MGA: variants seen among roughly 807,000 people sequenced by gnomAD.
The protein encoded by MGA is MAX dimerization protein MGA, also known as MAX gene-associated protein.
A neutral mutation model predicts 261.1 loss-of-function variants in MGA; 40 were observed. The observed-to-expected ratio is 0.15, with a 90% CI of 0.12 to 0.20. The LOEUF is 0.20. Ranked by LOEUF, MGA falls within the 10% of genes least tolerant of loss-of-function variation. The pLI is 1.00. For synonymous variants in MGA, 1,302 were observed against 1,290.6 expected, an observed-to-expected ratio of 1.01 and a Z score of -0.19; for missense variants, 3,397 against 3,630.5, an observed-to-expected ratio of 0.94 and a Z score of 1.65.
At chr15:41,688,637 C>T (rs1322136215) in intron 2 of MGA, among the ~76,000 whole-genome samples, 2 of 151,732 alleles carry the variant, frequency 1.3e-5, no homozygotes, top group African/African-American at 4.9e-5. Context: ...TGTCATCTTG[C>T]TATTTCCTGC....
Position 41,742,774 on chromosome 15 carries a change from T to C in MGA, c.4814T>C (p.Phe1605Ser). 1 of 1,613,990 alleles carries C rather than the reference T, an allele frequency of 6.2e-7. No homozygotes were observed. The change falls in exon 15 of 24, where the codon TTT becomes TCT. Residue 1605 changes from phenylalanine (F) to serine (S), a missense_variant. Phe to Ser is a radical substitution (Grantham distance 155). This residue lies in a region of MGA where 1,410 missense variants were observed against 1,386.4 expected (regional missense o/e 1.02). Coordinates refer to ENST00000219905, the MANE Select transcript of MGA (RefSeq NM_001164273.2). ...GTCACTACTACCACCCCTCAAGTGT[T>C]TTTAGAAAATACTACTGCTGTGACA...
intron 9 of MGA, among the ~76,000 whole-genome samples, chr15:41,714,219 T>A (rs75792889): frequency 0.033 from 5,000 of 152,310 alleles, 142 homozygotes; most frequent in South Asian, 0.07. Context: ...GAGATGATGA[T>A]TAATATTTCA....
chr15:41,674,673 C>A (rs2058280487), intron 2 of MGA, among the ~76,000 whole-genome samples: 1 of 152,112 alleles, frequency 6.6e-6, no homozygotes, highest in Non-Finnish European at 1.5e-5. Context: ...ACGCATGCCA[C>A]CACAGCCAAC....
intron 4 of MGA, 38 bp from the exon 5 acceptor site, chr15:41,699,026 A>C (rs772061355): frequency 4.4e-6 from 7 of 1,574,814 alleles, no homozygotes; most frequent in Admixed American, 1.8e-5. Context: ...TCTGTAGTGT[A>C]CAGTAGCTTA....
At chr15:41,732,272 C>T (rs564953643) in intron 11 of MGA, among the ~76,000 whole-genome samples, 12 of 151,940 alleles carry the variant, frequency 7.9e-5, no homozygotes, top group African/African-American at 2.2e-4. Flanking sequence ...CTTAGCCTCC[C>T]GAGTAGCTGG....
At chr15:41,625,311 G>A (rs2056421873) in intron 1 of MGA, among the ~76,000 whole-genome samples, 1 of 152,100 alleles carries the variant, frequency 6.6e-6, no homozygotes. Flanking sequence ...TGTATTTATT[G>A]AGTGTTTACT....
chr15:41,698,853 T>G lies in MGA; in HGVS notation c.2014-10T>G, dbSNP rs1566994660. On this transcript the variant is annotated splice_polypyrimidine_tract_variant and intron_variant, in intron 3 of 23. Transcript: ENST00000219905. ...ATGAACTACTATTTTTTTTTTTTTT[T>G]GATGTATAGGAAGCTCTAGACATTC... 1.3e-6 allele frequency: 2 copies of G among 1,490,810 alleles called. No homozygotes were observed. Among genetic ancestry groups the G allele is most frequent in the Middle Eastern group, 2.4e-4 (1 of 4,162 alleles). The allele number at this position is 1,490,810 out of a possible 1,614,324, so 92.3% of individuals were successfully genotyped here.
intron 9 of MGA, among the ~76,000 whole-genome samples, chr15:41,720,119 G>C (rs1266384011): frequency 1.3e-5 from 2 of 152,068 alleles, no homozygotes; most frequent in East Asian, 3.9e-4. Flanking sequence ...AAATAACCAG[G>C]TCAATCTTGA....
chr15:41,727,432 T>A, intron 10 of MGA, 26 bp downstream of exon 10: 1 of 1,588,046 alleles, frequency 6.3e-7, no homozygotes, highest in Non-Finnish European at 8.6e-7. Flanking sequence ...AATCTTTTAT[T>A]ACAAGTTACC....
chr15:41,725,848 A>AAT (rs2061202451), intron 9 of MGA, among the ~76,000 whole-genome samples: 1 of 143,792 alleles, frequency 7.0e-6, no homozygotes, highest in Non-Finnish European at 1.5e-5. Flanking sequence ...AAAAAAAAAA[A>AAT]AAAAAAAATA....
chr15:41,721,716 A>G (rs1318559812), intron 9 of MGA, among the ~76,000 whole-genome samples: 1 of 152,234 alleles, frequency 6.6e-6, no homozygotes, highest in Non-Finnish European at 1.5e-5. Flanking sequence ...CCAACTATTG[A>G]TAAAGACAAT....
chr15:41,760,260 G>C (rs2054168511), intron 19 of MGA, 63 bp from the exon 20 acceptor site: 2 of 1,516,386 alleles, frequency 1.3e-6, no homozygotes, highest in African/African-American at 2.7e-5. Context: ...AGTGTCATTT[G>C]AAACAGAGTA....
intron 2 of MGA, among the ~76,000 whole-genome samples, chr15:41,673,215 CTTTCTTTTTT>C (rs1047422119): frequency 6.6e-6 from 1 of 151,706 alleles, no homozygotes; most frequent in Non-Finnish European, 1.5e-5. Flanking sequence ...GTTTTTCTTT[CTTTCTTTTTT>C]TTTCTTTTTT....
chr15:41,728,624 T>C (rs1302597578), intron 10 of MGA, among the ~76,000 whole-genome samples: 2 of 152,210 alleles, frequency 1.3e-5, no homozygotes, highest in Non-Finnish European at 1.5e-5. Flanking sequence ...GTCTTCATAC[T>C]ATCTTCACAT....
chr15:41,729,125 T>TC, intron 10 of MGA, 39 bp from the exon 11 acceptor site: 1 of 1,583,346 alleles, frequency 6.3e-7, no homozygotes, highest in South Asian at 1.2e-5. Context: ...GCGGAGTTTT[T>TC]CCCACTGTAT....
chr15:41,632,526 G>A (rs931902499), intron 1 of MGA, among the ~76,000 whole-genome samples: 2 of 152,076 alleles, frequency 1.3e-5, no homozygotes, highest in African/African-American at 4.8e-5. Context: ...AAAGATCCAG[G>A]GCTAAAATTT....
Position 41,699,546 on chromosome 15 carries a change from G to A in MGA, c.2188+387G>A, listed in dbSNP as rs955963208. 5.3e-5 allele frequency among the ~76,000 whole-genome samples: 8 copies of A among 152,200 alleles called. No homozygotes were observed. The South Asian group carries it at 8.3e-4, about 16-fold the overall frequency. Reference sequence around the variant, plus strand: ...CGGAGTTTCGCTCTGTCGCCCAGGCGGCTGGAGTGCAGTGGTGCAATCTCT... The same window carrying A: ...CGGAGTTTCGCTCTGTCGCCCAGGCAGCTGGAGTGCAGTGGTGCAATCTCT... On this transcript the variant is annotated intron_variant, in intron 5 of 23. Transcript: ENST00000219905.
At chr15:41,656,359 T>A (rs1288849748), upstream of MGA, among the ~76,000 whole-genome samples, 1 of 131,056 alleles carries the variant, frequency 7.6e-6, no homozygotes, top group Non-Finnish European at 1.7e-5. Flanking sequence ...TCTCTCTCTC[T>A]CTCTCTCTCT....
chr15:41,739,923 C>A, intron 13 of MGA: 1 of 1,611,890 alleles, frequency 6.2e-7, no homozygotes, highest in Non-Finnish European at 8.5e-7. Context: ...GTAAGAGTTA[C>A]CCGCAGGCTA....
Sources: gnomAD v4.1 joint callset for allele counts (sites outside exome capture counted in the v4.1 genomes callset) on GRCh38, gnomAD v4.1.1 for gene constraint, gnomAD v4.1.1 regional missense constraint, MANE v1.5 for transcripts, NCBI Gene and HGNC (gene_info 2026-07-23, HGNC 2026-07-21) for gene names.